Variants in PITPNC1 observed in about 807,000 individuals in gnomAD.
The protein encoded by PITPNC1 is cytoplasmic phosphatidylinositol transfer protein 1.
Under a neutral mutation model 44.7 loss-of-function variants are expected in PITPNC1, and 18 were observed. The ratio of observed to expected loss-of-function variants is 0.40; its 90% confidence interval spans 0.28 to 0.60. The LOEUF is 0.60. Among genes scored for constraint, PITPNC1 ranks in the 20% least tolerant of loss-of-function variants. The pLI is 0.39. For synonymous variants in PITPNC1, 141 were observed against 149.6 expected, an observed-to-expected ratio of 0.94 and a Z score of 0.42; for missense variants, 290 against 418.4, an observed-to-expected ratio of 0.69 and a Z score of 2.68.
At chr17:67,631,522 G>C (rs1477095612) in intron 5 of PITPNC1, among the ~76,000 whole-genome samples, 4 of 133,044 alleles carry the variant, frequency 3.0e-5, no homozygotes, top group South Asian at 2.5e-4. Context: ...CCAGCTACTC[G>C]GGAGGCTGAG....
chr17:67,610,399 C>T (rs1215574363), intron 5 of PITPNC1, among the ~76,000 whole-genome samples: 3 of 152,170 alleles, frequency 2.0e-5, no homozygotes, highest in African/African-American at 4.8e-5. Flanking sequence ...GATTCCGCTC[C>T]GAAAATTACA....
chr17:67,552,135 T>C, intron 2 of PITPNC1, 122 bp from the exon 3 acceptor site: 1 of 669,844 alleles, frequency 1.5e-6, no homozygotes, highest in East Asian at 2.6e-5. Flanking sequence ...AAAGGGCAGC[T>C]GTGGAGAAAA....
At chr17:67,435,932 G>A (rs994354816) in intron 1 of PITPNC1, among the ~76,000 whole-genome samples, 1 of 152,174 alleles carries the variant, frequency 6.6e-6, no homozygotes, top group Non-Finnish European at 1.5e-5. Context: ...TCCTGTAATC[G>A]AGTGACCTAA....
At chr17:67,465,676 G>T (rs980848450) in intron 1 of PITPNC1, among the ~76,000 whole-genome samples, 1 of 152,154 alleles carries the variant, frequency 6.6e-6, no homozygotes, top group Admixed American at 6.5e-5. Flanking sequence ...CCTCTCTGAT[G>T]TTCGGGGCTT....
chr17:67,405,900 C>A (rs983520898), intron 1 of PITPNC1, among the ~76,000 whole-genome samples: 15 of 152,148 alleles, frequency 9.9e-5, no homozygotes, highest in African/African-American at 2.9e-4. Context: ...AGCCACCATG[C>A]CTGGCCCCTG....
At chr17:67,534,983 G>A (rs1366406101) in intron 2 of PITPNC1, among the ~76,000 whole-genome samples, 1 of 152,204 alleles carries the variant, frequency 6.6e-6, no homozygotes, top group Non-Finnish European at 1.5e-5. Context: ...TTCTTGATGG[G>A]AGACTTTGCT....
At chr17:67,496,748 C>G (rs1218630017) in intron 1 of PITPNC1, among the ~76,000 whole-genome samples, 1 of 152,028 alleles carries the variant, frequency 6.6e-6, no homozygotes, top group Non-Finnish European at 1.5e-5. Flanking sequence ...AGAATTATTT[C>G]TACTTAGAAT....
chr17:67,405,804 G>C (rs1009494029), intron 1 of PITPNC1, among the ~76,000 whole-genome samples: 4 of 151,692 alleles, frequency 2.6e-5, no homozygotes, highest in Non-Finnish European at 5.9e-5. Flanking sequence ...ATGGGGTTTC[G>C]CCATGTTGCC....
At chr17:67,500,601 A>T (rs1206976371) in intron 1 of PITPNC1, among the ~76,000 whole-genome samples, 1 of 152,060 alleles carries the variant, frequency 6.6e-6, no homozygotes, top group Non-Finnish European at 1.5e-5. Context: ...AACCCACTGT[A>T]TTCTACACTT....
Position 67,602,116 on chromosome 17 carries a change from G to A in PITPNC1, c.366+23859G>A, listed in dbSNP as rs890583166. 7.2e-5 allele frequency among the ~76,000 whole-genome samples: 11 copies of A among 152,274 alleles called. No homozygotes were observed. The South Asian group carries it at 8.3e-4, about 11-fold the overall frequency. ...TACCATCAGCCTACATAATTGTGGC[G>A]TTTTCCCAGCTGTGCTTTGCAGCCT... On this transcript the variant is annotated intron_variant, in intron 5 of 8. Coordinates refer to ENST00000581322, the MANE Select transcript of PITPNC1 (RefSeq NM_012417.4).
chr17:67,693,502 A>G lies in PITPNC1; in HGVS notation c.*614A>G, dbSNP rs2042963705. The G allele has an allele frequency of 6.6e-6, 1 of 152,224 alleles. No homozygotes were observed. Among genetic ancestry groups the G allele is most frequent in the South Asian group, 2.1e-4 (1 of 4,826 alleles). The allele number at this position is 152,224 out of a possible 1,614,324, so 9.4% of individuals were successfully genotyped here. On this transcript the variant is annotated 3_prime_UTR_variant, in exon 9 of 9. Coordinates refer to ENST00000581322, the MANE Select transcript of PITPNC1 (RefSeq NM_012417.4). ...TCATTTATACCTTCCACAGAATTTA[A>G]TAAAGATTCTACTTGTTTCTGTCTT...
chr17:67,628,942 T>G (rs1175438904), intron 5 of PITPNC1, among the ~76,000 whole-genome samples: 1 of 152,174 alleles, frequency 6.6e-6, no homozygotes, highest in Non-Finnish European at 1.5e-5. Context: ...CCCCTACTGA[T>G]GAGGCTCACT....
intron 4 of PITPNC1, among the ~76,000 whole-genome samples, chr17:67,572,522 T>C (rs1372201558): frequency 3.0e-5 from 4 of 133,368 alleles, no homozygotes; most frequent in Non-Finnish European, 4.8e-5. Context: ...CCATTCCTAG[T>C]GGTGCTGGTA....
chr17:67,457,607 C>T (rs556602476), intron 1 of PITPNC1: 10 of 152,406 alleles, frequency 6.6e-5, no homozygotes, highest in African/African-American at 2.4e-4. Context: ...CCAGGATGGT[C>T]TTGATCTCCT....
chr17:67,519,171 G>GTTTT (rs563294178), intron 1 of PITPNC1, among the ~76,000 whole-genome samples: 10 of 78,744 alleles, frequency 1.3e-4, no homozygotes, highest in East Asian at 4.0e-4. Flanking sequence ...GCAGCATTCT[G>GTTTT]TTTTTTTTTT....
chr17:67,666,419 G>A (rs2042423218), intron 6 of PITPNC1, among the ~76,000 whole-genome samples: 1 of 152,206 alleles, frequency 6.6e-6, no homozygotes, highest in Non-Finnish European at 1.5e-5. Context: ...CTGGGGCTTT[G>A]GAGAATGAGG....
intron 1 of PITPNC1, among the ~76,000 whole-genome samples, chr17:67,494,185 T>TTCTTTCTTTCCTTC: frequency 9.8e-6 from 1 of 102,496 alleles, no homozygotes; most frequent in South Asian, 3.2e-4. Flanking sequence ...CTTTCTTTCT[T>TTCTTTCTTTCCTTC]TTTCTTTCTT....
rs571600495 is a variant in PITPNC1 at position 67,455,605 on chromosome 17, G to GT, written c.49-77189dup. On this transcript the variant is annotated intron_variant, in intron 1 of 8. Coordinates refer to ENST00000581322, the MANE Select transcript of PITPNC1 (RefSeq NM_012417.4). ...CAGCTAGTTTTTTTTGTTTTTTTTT[G>GT]TTTTTTTTGTATTTTTAGTAGAGAT... 2.6e-3 allele frequency among the ~76,000 whole-genome samples: 374 copies of GT among 142,892 alleles called. 1 individual carries two copies. The highest frequency in any genetic ancestry group is 3.7e-3 in the Middle Eastern group (1 of 270). 93.7% of individuals were successfully genotyped at this position (142,892 alleles called of 152,430 possible).
At chr17:67,444,754 G>A (rs1014983020) in intron 1 of PITPNC1, among the ~76,000 whole-genome samples, 4 of 151,924 alleles carry the variant, frequency 2.6e-5, no homozygotes, top group Non-Finnish European at 2.9e-5. Flanking sequence ...AAAATTAGCC[G>A]AGCGTGGTGG....
Sources: allele counts gnomAD v4.1 joint callset (sites outside exome capture counted in the v4.1 genomes callset), GRCh38; gene constraint gnomAD v4.1.1; transcripts MANE v1.5; gene names NCBI Gene and HGNC (gene_info 2026-07-23, HGNC 2026-07-21).